The following HOXD13 variants were observed in gnomAD, a reference collection of about 807,000 sequenced individuals.
The protein encoded by HOXD13 is homeobox protein Hox-D13.
Under a neutral mutation model 27.3 loss-of-function variants are expected in HOXD13, and 16 were observed. The observed-to-expected ratio is 0.59, with a 90% CI of 0.40 to 0.89. The LOEUF (loss-of-function observed/expected upper bound fraction) is 0.89, where lower values mean the gene tolerates loss of function less well. HOXD13 is among the 40% of genes least tolerant of loss of function. The pLI, the probability that HOXD13 is intolerant of heterozygous loss-of-function variation, is 0.00. For synonymous variants in HOXD13, 241 were observed against 219.0 expected (o/e 1.10, Z -0.89); for missense variants, 481 against 482.6 (o/e 1.00, Z 0.03).
upstream of HOXD13, among the ~76,000 whole-genome samples, chr2:176,091,572 C>A (rs751145690): frequency 2.6e-5 from 4 of 152,112 alleles, no homozygotes; most frequent in African/African-American, 7.2e-5. Flanking sequence ...CTGGACCTAG[C>A]CCCACCAGCA....
At position 176,094,764 on chromosome 2, in the gene HOXD13, C is replaced by T. The variant is rs1185156578; in HGVS notation, c.*34C>T. The T allele has an allele frequency of 1.2e-6, 2 of 1,605,246 alleles. No individual in the cohort carries two copies. Among genetic ancestry groups the T allele is most frequent in the African/African-American group, 1.3e-5 (1 of 74,718 alleles). ...AGGTTGGCCACAGACAGCTTAGAAG[C>T]CATTCGGTTGTCTCCAAAAGGCCTT... On this transcript the variant is annotated 3_prime_UTR_variant, in exon 2 of 2. Coordinates refer to ENST00000392539, the MANE Select transcript of HOXD13 (RefSeq NM_000523.4).
At position 176,094,892 on chromosome 2, in the gene HOXD13, T is replaced by C; in HGVS notation, c.*162T>C. 1 of 637,886 alleles carries C rather than the reference T, an allele frequency of 1.6e-6. No individual in the cohort carries two copies. The highest frequency in any genetic ancestry group is 1.8e-5 in the African/African-American group (1 of 54,788). 39.5% of individuals were successfully genotyped at this position (637,886 alleles called of 1,614,324 possible). On this transcript the variant is annotated 3_prime_UTR_variant, in exon 2 of 2. Coordinates refer to ENST00000392539, the MANE Select transcript of HOXD13 (RefSeq NM_000523.4). ...TTCCCCTTATCTGGCTCTAAAACCT[T>C]CTGCTGCCCAACCTGACTTTGTAGT...
Position 176,093,548 on chromosome 2 carries a change from C to T in HOXD13, c.658C>T (p.His220Tyr). The T allele has an allele frequency of 6.2e-7, 1 of 1,613,836 alleles. No homozygotes were observed. The highest frequency in any genetic ancestry group is 8.5e-7 in the Non-Finnish European group (1 of 1,179,886). The change falls in exon 1 of 2, where the codon CAC (histidine) becomes TAC (tyrosine). Residue 220 changes from histidine to tyrosine, a missense_variant. By Grantham distance (83) the His-to-Tyr change is moderately conservative. Transcript: ENST00000392539. The stretch of plus-strand genomic sequence containing the variant: ...CACTTTCGGCTCCGGGGAGCCTCGG[C>T]ACGAGGCCTACATCTCCATGGAGGG... ...VSTFGSGEPR[H>Y]EAYISMEGYQ...
At position 176,093,693 on chromosome 2, in the gene HOXD13, G is replaced by A. The variant is rs199832686; in HGVS notation, c.781+22G>A. 8.9e-5 allele frequency: 132 copies of A among 1,479,568 alleles called. No homozygotes were observed. The East Asian group carries it at 2.5e-3, about 28-fold the overall frequency. 91.7% of individuals were successfully genotyped at this position (1,479,568 alleles called of 1,614,324 possible). A position where few individuals can be genotyped will look rare whatever the true frequency, so the allele number is the denominator to read the frequency against. On this transcript the variant is annotated intron_variant, in intron 1 of 1. Transcript: ENST00000392539. ...CCAGGTAGGGGCGATGGAGAAAAGG[G>A]ACCGACACGAGGGAGGGGGAGAGAG...
At chr2:176,088,045 C>T (rs1689267083), upstream of HOXD13, among the ~76,000 whole-genome samples, 1 of 152,278 alleles carries the variant, frequency 6.6e-6, no homozygotes, top group Admixed American at 6.5e-5. Context: ...CGGAGCCTGG[C>T]TCTCCTCTTA....
upstream of HOXD13, among the ~76,000 whole-genome samples, chr2:176,092,375 G>T (rs550322272): frequency 2.6e-5 from 4 of 152,196 alleles, no homozygotes; most frequent in Admixed American, 1.3e-4. Flanking sequence ...GAGACAAGGC[G>T]CAGGCCTTGG....
upstream of HOXD13, among the ~76,000 whole-genome samples, chr2:176,090,676 A>G (rs1259903979): frequency 6.6e-6 from 1 of 152,264 alleles, no homozygotes; most frequent in Non-Finnish European, 1.5e-5. Context: ...AAATATTTCA[A>G]CGAATTTGTT....
At chr2:176,088,209 C>G (rs1463459523), upstream of HOXD13, among the ~76,000 whole-genome samples, 1 of 152,256 alleles carries the variant, frequency 6.6e-6, no homozygotes, top group East Asian at 1.9e-4. Context: ...AGGCGAAGTG[C>G]GGTTTCCACG....
In HOXD13 at chr2:176,093,576, A is replaced by G. The variant is rs577016423; in HGVS notation, c.686A>G (p.Tyr229Cys). ...GAGGCCTACATCTCCATGGAGGGGT[A>G]CCAGTCCTGGACGCTGGCTAACGGG... ...RHEAYISMEG[Y>C]QSWTLANGWN... The change falls in exon 1 of 2, where the codon TAC (tyrosine) becomes TGC (cysteine). Residue 229 changes from tyrosine to cysteine, a missense_variant. Tyr to Cys is a radical substitution (Grantham distance 194, BLOSUM62 -2). Coordinates refer to ENST00000392539, the MANE Select transcript of HOXD13 (RefSeq NM_000523.4). 27 of 1,613,840 alleles carry G rather than the reference A, an allele frequency of 1.7e-5. No homozygotes were observed. In the East Asian group the frequency reaches 5.1e-4, roughly 31 times the overall value.
upstream of HOXD13, among the ~76,000 whole-genome samples, chr2:176,088,872 C>A (rs933316158): frequency 6.6e-6 from 1 of 152,194 alleles, no homozygotes; most frequent in African/African-American, 2.4e-5. Flanking sequence ...CCTGCCCCAC[C>A]CTCCTGCGTC....
chr2:176,092,497 G>A (rs1304890158), upstream of HOXD13, among the ~76,000 whole-genome samples: 3 of 124,474 alleles, frequency 2.4e-5, no homozygotes, highest in African/African-American at 8.8e-5. Context: ...ATGGGAGGTG[G>A]ACCCTGCAAG....
At chr2:176,094,283 G>T (rs1689377788) in intron 1 of HOXD13, among the ~76,000 whole-genome samples, 197 bp from the exon 2 acceptor site, 1 of 152,028 alleles carries the variant, frequency 6.6e-6, no homozygotes, top group Admixed American at 6.5e-5. Flanking sequence ...GTTGTTAAGT[G>T]CAAATAATCC....
upstream of HOXD13, among the ~76,000 whole-genome samples, chr2:176,089,141 A>C (rs1047677891): frequency 2.0e-5 from 3 of 152,250 alleles, no homozygotes; most frequent in African/African-American, 7.2e-5. Context: ...AAAGTACTCA[A>C]ATGTGGCTTC....
rs1216460517 is a variant in HOXD13, at chr2:176,095,245, G to A, written c.*515G>A. 4.3e-6 allele frequency: 1 copy of A among 231,816 alleles called. No individual in the cohort carries two copies. The highest frequency in any genetic ancestry group is 5.5e-5 in the Admixed American group (1 of 18,270). 14.4% of individuals were successfully genotyped at this position (231,816 alleles called of 1,614,324 possible). A position where few individuals can be genotyped will look rare whatever the true frequency, so the allele number is the denominator to read the frequency against. ...CAAGTGGAAAGGCAGGCAGTGCTCT[G>A]GGGTCACCGAGAAAGTCTAAAAACA... is the stretch of plus-strand genomic sequence containing the variant. On this transcript the variant is annotated 3_prime_UTR_variant, in exon 2 of 2. Transcript: ENST00000392539.
upstream of HOXD13, among the ~76,000 whole-genome samples, chr2:176,090,992 G>T (rs78368994): frequency 6.6e-6 from 1 of 152,106 alleles, no homozygotes. Context: ...GTAAATTCAG[G>T]CCCCTCCCAT....
Position 176,093,489 on chromosome 2 carries a change from A to G in HOXD13, c.599A>G (p.Tyr200Cys). The change falls in exon 1 of 2, where the codon TAC becomes TGC. Residue 200 changes from tyrosine to cysteine, a missense_variant. Transcript: ENST00000392539. ...TTCTACCAGGGCTATACGAGCCCTT[A>G]CCAGCACGTGCCCGGCTATATCGAC... ...VSFYQGYTSPYQHVPGYIDMV... is the reference protein window; with the variant it reads ...VSFYQGYTSPCQHVPGYIDMV... 1 of 1,614,034 alleles carries G rather than the reference A, an allele frequency of 6.2e-7. No homozygotes were observed. The highest frequency in any genetic ancestry group is 1.1e-5 in the South Asian group (1 of 91,082).
chr2:176,090,326 G>C (rs967165179), upstream of HOXD13, among the ~76,000 whole-genome samples: 1 of 152,234 alleles, frequency 6.6e-6, no homozygotes, highest in Non-Finnish European at 1.5e-5. Flanking sequence ...GATGGACAGA[G>C]AAAACTTTTG....
At chr2:176,090,711 C>T (rs1689306606), upstream of HOXD13, among the ~76,000 whole-genome samples, 1 of 152,138 alleles carries the variant, frequency 6.6e-6, no homozygotes, top group South Asian at 2.1e-4. Flanking sequence ...AAAGTTAAAA[C>T]TATCTTCATG....
At position 176,092,764 on chromosome 2, in the gene HOXD13, G is replaced by C; in HGVS notation, c.-127G>C. On this transcript the variant is annotated 5_prime_UTR_variant, in exon 1 of 2. Coordinates refer to ENST00000392539, the MANE Select transcript of HOXD13 (RefSeq NM_000523.4). The stretch of plus-strand genomic sequence containing the variant: ...CGGAGGCGGGAGGCTCACAGAGGGA[G>C]AGAGGGCTAGAGGAAGAGGGCGGGA... 3 of 536,004 alleles carry C rather than the reference G, an allele frequency of 5.6e-6. No individual in the cohort carries two copies. Among genetic ancestry groups the C allele is most frequent in the Non-Finnish European group, 8.3e-6 (3 of 361,444 alleles). The allele number at this position is 536,004 out of a possible 1,614,324, so 33.2% of individuals were successfully genotyped here.
Sources: allele counts gnomAD v4.1 joint callset (sites outside exome capture counted in the v4.1 genomes callset), GRCh38; gene constraint gnomAD v4.1.1; transcripts MANE v1.5; gene names NCBI Gene and HGNC (gene_info 2026-07-23, HGNC 2026-07-21).